Variants in CAPN7 observed in about 807,000 individuals in gnomAD.
The protein encoded by CAPN7 is calpain-7.
In CAPN7, 72 loss-of-function variants were observed where a neutral mutation model predicts 115.2. The ratio of observed to expected loss-of-function variants is 0.63; its 90% CI spans 0.52 to 0.76. The LOEUF (loss-of-function observed/expected upper bound fraction) is 0.76, where lower values mean the gene tolerates loss of function less well. Ranked by LOEUF, CAPN7 falls within the 30% of genes least tolerant of loss-of-function variation. CAPN7 has a pLI of 0.00. For synonymous variants in CAPN7, 344 were observed against 322.3 expected (o/e 1.07, Z -0.72); for missense variants, 905 against 971.5 (o/e 0.93, Z 0.91).
intron 5 of CAPN7, 165 bp downstream of exon 5, chr3:15,221,146 T>C: frequency 1.9e-6 from 1 of 521,764 alleles, no homozygotes; most frequent in South Asian, 3.4e-5. Flanking sequence ...ATAGTTAAAA[T>C]TTTAGTTCTG....
At chr3:15,208,150 C>G (rs1019092899) in intron 1 of CAPN7, among the ~76,000 whole-genome samples, 3 of 150,524 alleles carry the variant, frequency 2.0e-5, no homozygotes, top group Non-Finnish European at 4.4e-5. Context: ...CTGTTGTTGA[C>G]TGAAATGTTA....
intron 8 of CAPN7, 116 bp downstream of exon 8, chr3:15,229,175 C>T (rs867675794): frequency 1.5e-6 from 1 of 665,770 alleles, no homozygotes; most frequent in Non-Finnish European, 2.6e-6. Context: ...GAATATGGCC[C>T]TTCTGTAGAA....
chr3:15,216,913 A>T (rs1419793051), intron 2 of CAPN7, among the ~76,000 whole-genome samples: 1 of 151,830 alleles, frequency 6.6e-6, no homozygotes, highest in African/African-American at 2.4e-5. Flanking sequence ...ATAATTGCAG[A>T]TTTTTTTTCT....
chr3:15,217,290 T>TG lies in CAPN7; in HGVS notation c.212-135_212-134insG, dbSNP rs372699482. 3.4e-3 allele frequency: 2,455 copies of TG among 712,548 alleles called. 44 individuals are homozygous for TG. In the African/African-American group the frequency reaches 0.085, roughly 25 times the overall value. The allele number at this position is 712,548 out of a possible 1,614,324, so 44.1% of individuals were successfully genotyped here. ...GAGGAAATTTGTCCTTTTTTAAGGA[T>TG]TTTTTTAACCTTGCTAAGTTTTTTA... On this transcript the variant is annotated intron_variant, in intron 2 of 20. Transcript: ENST00000253693.
At chr3:15,227,358 A>G (rs2124942034) in intron 6 of CAPN7, among the ~76,000 whole-genome samples, 1 of 152,258 alleles carries the variant, frequency 6.6e-6, no homozygotes, top group Non-Finnish European at 1.5e-5. Context: ...TTGTTTTAAG[A>G]ATTAAGTGGA....
intron 12 of CAPN7, among the ~76,000 whole-genome samples, chr3:15,238,105 C>CT (rs1222640633): frequency 3.5e-5 from 4 of 114,142 alleles, no homozygotes; most frequent in African/African-American, 1.2e-4. Context: ...TTAATTCTGA[C>CT]TTCTTTTTTT....
intron 19 of CAPN7, among the ~76,000 whole-genome samples, chr3:15,248,794 G>T (rs747061783): frequency 6.6e-6 from 1 of 151,884 alleles, no homozygotes; most frequent in South Asian, 2.1e-4. Context: ...TTCAAGACCC[G>T]CCTGAGCAAC....
chr3:15,241,090 AG>A (rs1305041461), intron 14 of CAPN7, among the ~76,000 whole-genome samples: 1 of 152,184 alleles, frequency 6.6e-6, no homozygotes, highest in Non-Finnish European at 1.5e-5. Context: ...TTGTAGTCCC[AG>A]CTACTCGGGA....
intron 12 of CAPN7, among the ~76,000 whole-genome samples, chr3:15,239,571 A>G (rs985076071): frequency 5.9e-5 from 9 of 152,232 alleles, no homozygotes; most frequent in African/African-American, 2.2e-4. Context: ...ACAGTATAAG[A>G]TAGGATACTA....
At position 15,235,090 on chromosome 3, in the gene CAPN7, A is replaced by C. The variant is rs1694909419; in HGVS notation, c.1352A>C (p.Lys451Thr). 2 of 1,613,678 alleles carry C rather than the reference A, an allele frequency of 1.2e-6. No individual in the cohort carries two copies. The highest frequency in any genetic ancestry group is 2.7e-5 in the African/African-American group (2 of 75,044). The change falls in exon 12 of 21, where the codon AAG becomes ACG. Residue 451 changes from lysine (K) to threonine (T), a missense_variant. This residue lies in a region of CAPN7 where 620 missense variants were observed against 703.4 expected (regional missense o/e 0.88). Coordinates refer to ENST00000253693, the MANE Select transcript of CAPN7 (RefSeq NM_014296.3). The part of the protein sequence containing the change: ...TGMMTEAEGE[K>T]WGLVPTHAYA... ...ATGATGACAGAAGCTGAAGGAGAGAAGTGGGGTCTGGTTCCCACACACGCA... is the reference window on the plus strand; with the variant it reads ...ATGATGACAGAAGCTGAAGGAGAGACGTGGGGTCTGGTTCCCACACACGCA...
At chr3:15,220,586 A>G (rs1247100072) in intron 4 of CAPN7, among the ~76,000 whole-genome samples, 195 bp from the exon 5 acceptor site, 2 of 152,226 alleles carry the variant, frequency 1.3e-5, no homozygotes, top group East Asian at 1.9e-4. Context: ...AATGTTGTCA[A>G]TAGAATATTG....
intron 12 of CAPN7, among the ~76,000 whole-genome samples, chr3:15,235,364 A>G (rs1694925293): frequency 6.6e-6 from 1 of 152,374 alleles, no homozygotes; most frequent in Non-Finnish European, 1.5e-5. Context: ...ATGACAGAAC[A>G]GAAATGCTGT....
At chr3:15,211,602 A>AG (rs1442179235) in intron 1 of CAPN7, among the ~76,000 whole-genome samples, 1 of 151,854 alleles carries the variant, frequency 6.6e-6, no homozygotes, top group African/African-American at 2.4e-5. Context: ...AAAAAAAAAA[A>AG]GTATGATTTG....
chr3:15,241,535 C>T lies in CAPN7; in HGVS notation c.1735C>T (p.Pro579Ser). 6.2e-7 allele frequency: 1 copy of T among 1,614,104 alleles called. No individual in the cohort carries two copies. The highest frequency in any genetic ancestry group is 8.5e-7 in the Non-Finnish European group (1 of 1,179,998). ...CCAGTACAAACTGGAGGTGCAGTGT[C>T]CACAGGGGGGTGCTGCAGTTTGGGT... is the stretch of plus-strand genomic sequence containing the variant. ...NPQYKLEVQC[P>S]QGGAAVWVLL... Residue 579 changes from proline (P) to serine (S), a missense_variant, in exon 15 of 21, where the codon CCA becomes TCA. Around this residue, in one of 3 missense-constraint regions of CAPN7, gnomAD observed 620 missense variants for 703.4 expected, o/e 0.88. Transcript: ENST00000253693.
chr3:15,209,013 T>C (rs2044787739), intron 1 of CAPN7, among the ~76,000 whole-genome samples: 1 of 152,338 alleles, frequency 6.6e-6, no homozygotes, highest in Admixed American at 6.5e-5. Context: ...TTATAATCTT[T>C]TTTCCTTTTT....
chr3:15,248,301 G>T (rs1444441950), intron 19 of CAPN7, among the ~76,000 whole-genome samples: 2 of 152,168 alleles, frequency 1.3e-5, no homozygotes, highest in Non-Finnish European at 2.9e-5. Context: ...CAACATTTAA[G>T]ATTATAATAT....
intron 8 of CAPN7, among the ~76,000 whole-genome samples, chr3:15,229,561 CTTTTTTTTTTTTTT>C (rs566957976): frequency 2.3e-5 from 2 of 87,836 alleles, no homozygotes; most frequent in East Asian, 4.7e-4. Context: ...TACTTTTTTT[CTTTTTTTTTTTTTT>C]TTTTTTTTTT....
intron 19 of CAPN7, 114 bp downstream of exon 19, chr3:15,247,571 T>A: frequency 1.3e-6 from 1 of 758,298 alleles, no homozygotes; most frequent in East Asian, 2.9e-5. Flanking sequence ...TTTATAACAA[T>A]GGCATTATAG....
chr3:15,210,993 A>T, intron 1 of CAPN7: 1 of 1,060,620 alleles, frequency 9.4e-7, no homozygotes. Flanking sequence ...TGGAATGGTG[A>T]TGAGGAGAAT....
Sources: allele counts gnomAD v4.1 joint callset (sites outside exome capture counted in the v4.1 genomes callset), GRCh38; gene constraint gnomAD v4.1.1; regional missense constraint gnomAD v4.1.1; transcripts MANE v1.5; gene names NCBI Gene and HGNC (gene_info 2026-07-23, HGNC 2026-07-21).